Variants in BRCA1 observed in about 807,000 individuals in gnomAD.
BRCA1 encodes breast cancer type 1 susceptibility protein.
BRCA1 carries 140 observed loss-of-function variants against 173.7 expected under a neutral mutation model. The observed-to-expected ratio is 0.81, with a 90% confidence interval of 0.70 to 0.93. BRCA1 has a LOEUF of 0.93. Among genes scored for constraint, BRCA1 ranks in the 40% least tolerant of loss-of-function variants. The probability of loss-of-function intolerance (pLI) is 0.00; values close to 1 mark genes in which losing one functional copy is unlikely to be tolerated. For missense variants in BRCA1, 1,983 were observed against 2,172.5 expected (o/e 0.91, Z 1.73); for synonymous variants, 662 against 756.0 (o/e 0.88, Z 2.04).
At chr17:43,156,119 C>T (rs575711369) in intron 1 of BRCA1, among the ~76,000 whole-genome samples, 101 of 152,104 alleles carry the variant, frequency 6.6e-4, no homozygotes, top group Non-Finnish European at 1.2e-3. Flanking sequence ...CACCTGTAGT[C>T]CTGGCTACTC....
chr17:43,057,245 C>T (rs866724226), intron 18 of BRCA1, 110 bp from the exon 19 acceptor site: 24 of 1,025,494 alleles, frequency 2.3e-5, no homozygotes, highest in African/African-American at 4.7e-5. Flanking sequence ...CGCAGTGGCT[C>T]ACCCCTGTAA....
At chr17:43,127,303 G>A (rs2055914661), upstream of BRCA1, among the ~76,000 whole-genome samples, 1 of 152,238 alleles carries the variant, frequency 6.6e-6, no homozygotes, top group African/African-American at 2.4e-5. Context: ...CTAGCCTGAG[G>A]ATTTTATATG....
At chr17:43,144,310 G>A in intron 1 of BRCA1, 1 of 252,316 alleles carries the variant, frequency 4.0e-6, no homozygotes, top group Non-Finnish European at 8.2e-6. Context: ...GCATGGGCTT[G>A]AGGGCTTGGG....
chr17:43,045,392 A>C lies in BRCA1; in HGVS notation c.*286T>G. 1.6e-6 allele frequency: 1 copy of C among 637,344 alleles called. No homozygotes were observed. Among genetic ancestry groups the C allele is most frequent in the South Asian group, 1.5e-5 (1 of 66,140 alleles). 39.5% of individuals were successfully genotyped at this position (637,344 alleles called of 1,614,324 possible). A position where few individuals can be genotyped will look rare whatever the true frequency, so the allele number is the denominator to read the frequency against. ...GAATAGGGCTGATAAATAATGAATC[A>C]GCATCTTGCTCAATTGGTGGCGTTT... On this transcript the variant is annotated 3_prime_UTR_variant, in exon 23 of 23. Transcript: ENST00000357654.
At chr17:43,131,759 C>A (rs957345350) in intron 1 of BRCA1, among the ~76,000 whole-genome samples, 3 of 150,914 alleles carry the variant, frequency 2.0e-5, no homozygotes, top group African/African-American at 7.3e-5. Flanking sequence ...ATTTTCTTTT[C>A]TTTTCTCCTT....
At chr17:43,137,038 CCAT>C (rs1189625130) in intron 1 of BRCA1, among the ~76,000 whole-genome samples, 2 of 152,226 alleles carry the variant, frequency 1.3e-5, no homozygotes, top group South Asian at 2.1e-4. Context: ...ACCCAAATGT[CCAT>C]CAATGATAGA....
At chr17:43,091,060 T>G (rs869320777) in intron 10 of BRCA1, 28 bp from the exon 11 acceptor site, 2 of 1,595,680 alleles carry the variant, frequency 1.3e-6, no homozygotes, top group Admixed American at 3.4e-5. Flanking sequence ...GAGGTTCAGA[T>G]GTAAAAGCAG....
At chr17:43,162,035 C>A (rs2056239382) in intron 1 of BRCA1, 1 of 152,148 alleles carries the variant, frequency 6.6e-6, no homozygotes, top group Admixed American at 6.5e-5. Flanking sequence ...CAGTCCAGCC[C>A]CATTGATTCC....
intron 16 of BRCA1, among the ~76,000 whole-genome samples, chr17:43,066,913 G>T (rs1274891359): frequency 2.0e-5 from 3 of 149,686 alleles, no homozygotes; most frequent in African/African-American, 7.5e-5. Context: ...CACCTCCTGG[G>T]TTCAAGCGAT....
chr17:43,100,524 G>A (rs1330088716), intron 6 of BRCA1, among the ~76,000 whole-genome samples: 8 of 63,826 alleles, frequency 1.3e-4, no homozygotes, highest in East Asian at 8.7e-4. Context: ...GTGTGTGTGT[G>A]TATATATATA....
At chr17:43,120,723 C>A (rs1188206632) in intron 2 of BRCA1, among the ~76,000 whole-genome samples, 1 of 151,888 alleles carries the variant, frequency 6.6e-6, no homozygotes, top group Admixed American at 6.6e-5. Flanking sequence ...CGAGATGGCG[C>A]CACTGCACTC....
chr17:43,107,871 T>C (rs1443347309), intron 3 of BRCA1, among the ~76,000 whole-genome samples: 1 of 152,130 alleles, frequency 6.6e-6, no homozygotes, highest in Non-Finnish European at 1.5e-5. Context: ...ATACAACCAA[T>C]ATTTACTATG....
intron 2 of BRCA1, among the ~76,000 whole-genome samples, chr17:43,123,359 T>G (rs1313131541): frequency 6.9e-6 from 1 of 145,918 alleles, no homozygotes; most frequent in Non-Finnish European, 1.5e-5. Context: ...GTTTTTTTTT[T>G]TTTTTTTTTT....
At chr17:43,067,780 T>A (rs1450949667) in intron 15 of BRCA1, 85 bp from the exon 16 acceptor site, 2 of 1,042,380 alleles carry the variant, frequency 1.9e-6, no homozygotes, top group Non-Finnish European at 3.0e-6. Context: ...TGGCATATGT[T>A]TACCTATGTA....
intron 12 of BRCA1, among the ~76,000 whole-genome samples, chr17:43,081,238 T>G (rs2052991151): frequency 6.6e-6 from 1 of 152,208 alleles, no homozygotes; most frequent in Non-Finnish European, 1.5e-5. Context: ...GACTCTGATC[T>G]CTCATTATCT....
intron 1 of BRCA1, among the ~76,000 whole-genome samples, chr17:43,145,652 T>G (rs2056117269): frequency 1.3e-5 from 2 of 152,176 alleles, no homozygotes; most frequent in Admixed American, 6.6e-5. Flanking sequence ...TATCAACTAT[T>G]TTGTAAATGC....
intron 1 of BRCA1, among the ~76,000 whole-genome samples, chr17:43,134,879 C>T (rs2056002877): frequency 6.6e-6 from 1 of 152,212 alleles, no homozygotes; most frequent in Non-Finnish European, 1.5e-5. Context: ...TTTCCTAACC[C>T]AGAGAGGCCA....
At chr17:43,163,994 C>T (rs970676809) in intron 1 of BRCA1, 4 of 152,214 alleles carry the variant, frequency 2.6e-5, no homozygotes, top group Non-Finnish European at 1.5e-5. Flanking sequence ...CACATCTGGT[C>T]GACTGGAGGA....
chr17:43,073,050 A>G (rs1263060740), intron 14 of BRCA1, among the ~76,000 whole-genome samples: 1 of 151,334 alleles, frequency 6.6e-6, no homozygotes, highest in Non-Finnish European at 1.5e-5. Context: ...GTGGCATCTC[A>G]GCTTGGTGAA....
Sources: gnomAD v4.1 joint callset for allele counts (sites outside exome capture counted in the v4.1 genomes callset) on GRCh38, gnomAD v4.1.1 for gene constraint, MANE v1.5 for transcripts, NCBI Gene and HGNC (gene_info 2026-07-23, HGNC 2026-07-21) for gene names.